TET2: variants seen among roughly 807,000 people sequenced by gnomAD.
The protein encoded by TET2 is methylcytosine dioxygenase TET2.
TET2 carries 299 observed loss-of-function variants against 142.9 expected under a neutral mutation model. That is an observed-to-expected ratio of 2.09 (90% CI 1.90 to 2.30). TET2 has a LOEUF of 2.30. TET2 is among the 30% of genes most tolerant of loss of function. The pLI is 0.00. For synonymous variants in TET2, 819 were observed against 849.0 expected, an observed-to-expected ratio of 0.96 and a Z score of 0.61; for missense variants, 2,418 against 2,378.0, an observed-to-expected ratio of 1.02 and a Z score of -0.35.
chr4:105,222,134 T>G (rs1560532259), intron 2 of TET2, among the ~76,000 whole-genome samples: 1 of 152,110 alleles, frequency 6.6e-6, no homozygotes, highest in Non-Finnish European at 1.5e-5. Context: ...TTAGGGTTGG[T>G]TCCAAGTCTT....
At chr4:105,247,097 A>G (rs1432783961) in intron 6 of TET2, among the ~76,000 whole-genome samples, 1 of 152,158 alleles carries the variant, frequency 6.6e-6, no homozygotes, top group African/African-American at 2.4e-5. Flanking sequence ...GTCAAACATA[A>G]AAGGAAAAGT....
At chr4:105,267,015 A>G (rs1424229813) in intron 8 of TET2, among the ~76,000 whole-genome samples, 2 of 152,042 alleles carry the variant, frequency 1.3e-5, no homozygotes, top group African/African-American at 4.8e-5. Context: ...GACATATTAC[A>G]CTAGGTGGGA....
rs1731183027 is a variant in TET2 at position 105,275,721 on chromosome 4, C to A, written c.5211C>A (p.Thr1737=). 1 of 1,551,740 alleles carries A rather than the reference C, an allele frequency of 6.4e-7. No homozygotes were observed. Among genetic ancestry groups the A allele is most frequent in the Admixed American group, 2.0e-5 (1 of 51,000 alleles). ...HEMDGHFMGA[T]SRLPPNLSNP... ...TGGATGGCCACTTCATGGGAGCCAC[C>A]TCTAGATTACCACCCAATCTGAGCA... The change falls in exon 11 of 11, where the codon ACC becomes ACA. Residue 1737 remains threonine (T), a synonymous_variant. Coordinates refer to ENST00000380013, the MANE Select transcript of TET2 (RefSeq NM_001127208.3).
chr4:105,266,920 T>TA (rs1435024007), intron 8 of TET2, among the ~76,000 whole-genome samples: 1 of 150,604 alleles, frequency 6.6e-6, no homozygotes, highest in African/African-American at 2.4e-5. Flanking sequence ...AACAAAGACA[T>TA]AAAAAAAGAC....
chr4:105,182,841 A>T (rs1578573880), intron 1 of TET2, among the ~76,000 whole-genome samples: 1 of 152,252 alleles, frequency 6.6e-6, no homozygotes, highest in East Asian at 1.9e-4. Flanking sequence ...TTTGATGTTT[A>T]TATTCATGAT....
At chr4:105,190,635 A>G (rs896796809) in intron 2 of TET2, 130 bp downstream of exon 2, 2 of 608,422 alleles carry the variant, frequency 3.3e-6, no homozygotes, top group Admixed American at 2.8e-5. Flanking sequence ...TTTATTGTCT[A>G]TGCTTAGGAC....
At position 105,272,833 on chromosome 4, in the gene TET2, CA is replaced by C; in HGVS notation, c.4453del (p.Ser1485AlafsTer86). ...AAEKLSSLEN[S>X]SNKNEKEKSA... ...CTGAAAAGCTTTCCTCCCTGGAGAA[CA>C]GCTCAAATAAAAATGAAAAGGAAAA... On this transcript the variant is annotated frameshift_variant, in exon 10 of 11. Coordinates refer to ENST00000380013, the MANE Select transcript of TET2 (RefSeq NM_001127208.3). LOFTEE classifies it high-confidence loss of function. The C allele has an allele frequency of 6.4e-7, 1 of 1,551,456 alleles. No homozygotes were observed. The highest frequency in any genetic ancestry group is 8.7e-7 in the Non-Finnish European group (1 of 1,146,922).
intron 1 of TET2, among the ~76,000 whole-genome samples, chr4:105,176,586 T>G (rs543775779): frequency 6.6e-6 from 1 of 152,126 alleles, no homozygotes; most frequent in South Asian, 2.1e-4. Context: ...TAACAGAATA[T>G]GTACATGATC....
At chr4:105,184,272 C>G (rs1725294556) in intron 1 of TET2, among the ~76,000 whole-genome samples, 1 of 152,090 alleles carries the variant, frequency 6.6e-6, no homozygotes, top group African/African-American at 2.4e-5. Context: ...ATAAATTGAT[C>G]TGATAATCTA....
In TET2 at chr4:105,235,074, G is replaced by C. The variant is rs748758551; in HGVS notation, c.1132G>C (p.Gly378Arg). The change falls in exon 3 of 11, where the codon GGT becomes CGT. Residue 378 changes from glycine (G) to arginine (R), a missense_variant. Transcript: ENST00000380013. ...ERYLKQNEMN[G>R]AYFKQSSVFT... ...GTATTTAAAACAAAATGAAATGAAT[G>C]GTGCTTACTTCAAGCAAAGCTCAGT... 6.3e-5 allele frequency: 101 copies of C among 1,614,010 alleles called. No individual in the cohort carries two copies. Among genetic ancestry groups the C allele is most frequent in the Non-Finnish European group, 8.4e-5 (99 of 1,179,990 alleles).
intron 3 of TET2, chr4:105,240,104 G>A (rs1444007077): frequency 3.0e-5 from 7 of 233,018 alleles, no homozygotes; most frequent in Non-Finnish European, 4.6e-5. Context: ...AAAGATCACT[G>A]ATCACAGATC....
chr4:105,237,380 T>A (rs1301810489), intron 3 of TET2, 29 bp downstream of exon 3: 1 of 1,614,130 alleles, frequency 6.2e-7, no homozygotes, highest in Admixed American at 1.7e-5. Flanking sequence ...CTGAGACACA[T>A]GGCGTTTATC....
chr4:105,155,137 T>C (rs777586048), intron 1 of TET2, among the ~76,000 whole-genome samples: 2 of 152,216 alleles, frequency 1.3e-5, no homozygotes, highest in Non-Finnish European at 2.9e-5. Context: ...GTCTTATCTA[T>C]GTGAAAACAG....
At chr4:105,199,288 A>G (rs1726297050) in intron 2 of TET2, among the ~76,000 whole-genome samples, 2 of 152,194 alleles carry the variant, frequency 1.3e-5, no homozygotes, top group South Asian at 4.1e-4. Flanking sequence ...GTCTCAAAGC[A>G]CACTTGCTTT....
intron 2 of TET2, among the ~76,000 whole-genome samples, chr4:105,193,104 G>T (rs1725881535): frequency 6.6e-6 from 1 of 152,120 alleles, no homozygotes; most frequent in African/African-American, 2.4e-5. Flanking sequence ...GAATAGCAAG[G>T]TCCATCTGGA....
chr4:105,151,110 G>A (rs951581074), intron 1 of TET2, among the ~76,000 whole-genome samples: 5 of 152,080 alleles, frequency 3.3e-5, no homozygotes, highest in African/African-American at 9.7e-5. Context: ...CTTGAGGCCA[G>A]GAGTTTGAAA....
intron 8 of TET2, among the ~76,000 whole-genome samples, chr4:105,265,215 T>G (rs1177527606): frequency 6.6e-6 from 1 of 152,214 alleles, no homozygotes; most frequent in Non-Finnish European, 1.5e-5. Flanking sequence ...TGCTGTTCAG[T>G]GTAATAGGCA....
intron 2 of TET2, among the ~76,000 whole-genome samples, chr4:105,199,653 A>G (rs576174154): frequency 1.3e-3 from 193 of 152,258 alleles, no homozygotes; most frequent in African/African-American, 4.5e-3. Context: ...TATTAAGCCT[A>G]GTACCCATTA....
Position 105,236,028 on chromosome 4 carries a change from TC to T in TET2, c.2090del (p.Pro697GlnfsTer3), listed in dbSNP as rs1728863731. 1 of 1,613,968 alleles carries T rather than the reference TC, an allele frequency of 6.2e-7. No individual in the cohort carries two copies. The highest frequency in any genetic ancestry group is 8.5e-7 in the Non-Finnish European group (1 of 1,180,016). ...AGATTCCCAAACTGAAAAACTTATGTCCCCAGTGTTGAAACAGCACTTGAAT... is the reference window on the plus strand; with the variant it reads ...AGATTCCCAAACTGAAAAACTTATGTCCCAGTGTTGAAACAGCACTTGAAT... The part of the protein sequence containing the change: ...RADSQTEKLM[S>X]PVLKQHLNQQ... On this transcript the variant is annotated frameshift_variant, in exon 3 of 11. Transcript: ENST00000380013. LOFTEE classifies it high-confidence loss of function.
Sources: gnomAD v4.1 joint callset for allele counts (sites outside exome capture counted in the v4.1 genomes callset) on GRCh38, gnomAD v4.1.1 for gene constraint, MANE v1.5 for transcripts, NCBI Gene and HGNC (gene_info 2026-07-23, HGNC 2026-07-21) for gene names.